Variants in NRG1 observed in about 807,000 individuals in gnomAD.
NRG1 encodes the protein neuregulin 1.
In NRG1, 18 loss-of-function variants were observed where a neutral mutation model predicts 63.8. The ratio of observed to expected loss-of-function variants is 0.28; its 90% confidence interval spans 0.19 to 0.42. The LOEUF (loss-of-function observed/expected upper bound fraction) is 0.42. NRG1 is among the 10% of genes least tolerant of loss of function. The pLI, the probability that NRG1 is intolerant of heterozygous loss-of-function variation, is 1.00. For synonymous variants in NRG1, 302 were observed against 301.3 expected (o/e 1.00, Z -0.02); for missense variants, 762 against 814.7 (o/e 0.94, Z 0.79).
Position 32,429,975 on chromosome 8 carries a change from A to T in NRG1, c.38-165853A>T, listed in dbSNP as rs187413918. Among the ~76,000 whole-genome samples the T allele has an allele frequency of 1.5e-3, 232 of 152,316 alleles. 1 individual carries two copies. The highest frequency in any genetic ancestry group is 4.5e-3 in the African/African-American group (189 of 41,564). ...TATCTTTGTAGTTCAAAAAGGTTAA[A>T]CCTGAATGTGATATGTGTGTGTATG... On this transcript the variant is annotated intron_variant, in intron 1 of 10. Coordinates refer to the NRG1 transcript ENST00000519301.
At chr8:32,636,661 G>A (rs150697897) in intron 5 of NRG1, among the ~76,000 whole-genome samples, 2 of 152,086 alleles carry the variant, frequency 1.3e-5, no homozygotes, top group East Asian at 1.9e-4. Flanking sequence ...CCCAGGGATC[G>A]AAGTATAGCA....
intron 1 of NRG1, among the ~76,000 whole-genome samples, chr8:32,175,389 A>G (rs975421131): frequency 2.0e-5 from 3 of 152,208 alleles, no homozygotes; most frequent in Non-Finnish European, 4.4e-5. Flanking sequence ...TGAATGGGCA[A>G]AAACTGGAAG....
intron 5 of NRG1, among the ~76,000 whole-genome samples, chr8:32,711,323 G>A (rs949462673): frequency 2.0e-5 from 3 of 151,482 alleles, no homozygotes; most frequent in Non-Finnish European, 4.4e-5. Context: ...GCACATAGTA[G>A]ATATTTAATG....
intron 1 of NRG1, among the ~76,000 whole-genome samples, chr8:31,682,861 A>C (rs1398154430): frequency 6.6e-6 from 1 of 152,160 alleles, no homozygotes; most frequent in African/African-American, 2.4e-5. Context: ...AAACTCAAGA[A>C]AAACAAGTGA....
At chr8:31,838,709 G>A (rs1825910010) in intron 1 of NRG1, among the ~76,000 whole-genome samples, 1 of 151,866 alleles carries the variant, frequency 6.6e-6, no homozygotes, top group Non-Finnish European at 1.5e-5. Flanking sequence ...TGGGCCTTTT[G>A]CATGTATGCA....
intron 1 of NRG1, among the ~76,000 whole-genome samples, chr8:32,175,030 A>G (rs927729098): frequency 3.9e-5 from 6 of 152,200 alleles, no homozygotes; most frequent in African/African-American, 7.2e-5. Flanking sequence ...CATAACAAAT[A>G]AAGAGAATTT....
At chr8:31,741,242 T>G (rs553773164) in intron 1 of NRG1, among the ~76,000 whole-genome samples, 26 of 151,336 alleles carry the variant, frequency 1.7e-4, no homozygotes, top group Admixed American at 2.6e-4. Context: ...AGGGGGAGGG[T>G]TGAAAACCTA....
chr8:32,364,875 C>T (rs904413310), intron 1 of NRG1, among the ~76,000 whole-genome samples: 1 of 151,448 alleles, frequency 6.6e-6, no homozygotes, highest in African/African-American at 2.4e-5. Context: ...TCTGATAGTC[C>T]TGTCAGTTAG....
intron 1 of NRG1, among the ~76,000 whole-genome samples, chr8:31,749,022 T>G (rs542016067): frequency 3.3e-5 from 5 of 151,986 alleles, no homozygotes; most frequent in South Asian, 4.1e-4. Flanking sequence ...ATGTACAACA[T>G]TGGAAGAATG....
rs575669837 is a variant in NRG1, at chr8:31,715,496, A to C, written c.37+76065A>C. On this transcript the variant is annotated intron_variant, in intron 1 of 10. Transcript: ENST00000519301. Reference sequence around the variant, plus strand: ...TGAATAATAAGTTTATATGTCTCTGAAACAATGTTAATATAATTGAATCAA... The same window carrying C: ...TGAATAATAAGTTTATATGTCTCTGCAACAATGTTAATATAATTGAATCAA... Among the ~76,000 whole-genome samples, 48 of 152,336 alleles carry C rather than the reference A, an allele frequency of 3.2e-4. 1 individual carries two copies. The South Asian group carries it at 5.4e-3, about 17-fold the overall frequency.
intron 1 of NRG1, among the ~76,000 whole-genome samples, chr8:32,323,550 TG>T (rs1801659212): frequency 6.6e-6 from 1 of 152,174 alleles, no homozygotes; most frequent in Non-Finnish European, 1.5e-5. Flanking sequence ...AAGCCAGCAA[TG>T]GTCCTGCAGG....
rs536758573 is a variant in NRG1, at chr8:32,505,740, G to A, written c.38-90088G>A. ...ACAGACTTGTGGACCTGTGACACTT[G>A]GGAGGCAATACGGAGATGGGACTTT... On this transcript the variant is annotated intron_variant, in intron 1 of 10. Coordinates refer to the NRG1 transcript ENST00000519301. Among the ~76,000 whole-genome samples, 3 of 152,338 alleles carry A rather than the reference G, an allele frequency of 2.0e-5. No homozygotes were observed. The South Asian group carries it at 6.2e-4, about 32-fold the overall frequency.
At chr8:32,075,399 C>T (rs1826345704) in intron 1 of NRG1, among the ~76,000 whole-genome samples, 1 of 151,912 alleles carries the variant, frequency 6.6e-6, no homozygotes, top group African/African-American at 2.4e-5. Context: ...GTAAACAAAA[C>T]GTTTTTTAGA....
intron 1 of NRG1, among the ~76,000 whole-genome samples, chr8:31,996,927 T>A (rs1223092352): frequency 2.0e-5 from 3 of 151,654 alleles, no homozygotes; most frequent in African/African-American, 7.3e-5. Flanking sequence ...TAAGGGGGGG[T>A]GGGATTCACT....
intron 1 of NRG1, among the ~76,000 whole-genome samples, chr8:31,930,477 T>C (rs1834768739): frequency 6.6e-6 from 1 of 152,188 alleles, no homozygotes; most frequent in African/African-American, 2.4e-5. Context: ...GTTCATTGTT[T>C]TCTCCTTTGT....
chr8:31,661,469 G>A (rs999174899), intron 1 of NRG1, among the ~76,000 whole-genome samples: 5 of 152,270 alleles, frequency 3.3e-5, no homozygotes, highest in African/African-American at 4.8e-5. Flanking sequence ...CAGTGTGAGG[G>A]CAAACTTAGG....
chr8:32,707,854 C>T (rs1460642458), intron 5 of NRG1, among the ~76,000 whole-genome samples: 1 of 151,866 alleles, frequency 6.6e-6, no homozygotes, highest in Non-Finnish European at 1.5e-5. Context: ...GCCTGGTAAG[C>T]ATCTTTGTTC....
intron 1 of NRG1, among the ~76,000 whole-genome samples, chr8:32,126,795 T>G: frequency 6.6e-6 from 1 of 151,902 alleles, no homozygotes; most frequent in East Asian, 1.9e-4. Flanking sequence ...CAAATACAAA[T>G]TAGTGTATTT....
At chr8:32,051,479 T>C (rs1821966286) in intron 1 of NRG1, among the ~76,000 whole-genome samples, 1 of 152,212 alleles carries the variant, frequency 6.6e-6, no homozygotes, top group South Asian at 2.1e-4. Context: ...CATGCTGTGA[T>C]ACTGATAAAG....
Sources: allele counts gnomAD v4.1 joint callset (sites outside exome capture counted in the v4.1 genomes callset), GRCh38; gene constraint gnomAD v4.1.1; transcripts MANE v1.5; gene names NCBI Gene and HGNC (gene_info 2026-07-23, HGNC 2026-07-21).